Variants in PRR20G observed in about 807,000 individuals in gnomAD.
PRR20G encodes proline rich 20G.
intron 2 of PRR20G, among the ~76,000 whole-genome samples, chr3:127,286,790 G>A (rs143928209): frequency 1.4e-4 from 21 of 152,308 alleles, no homozygotes; most frequent in African/African-American, 5.1e-4. Context: ...CTGAGAGAAC[G>A]CTTGATTGAG....
Sources: allele counts gnomAD v4.1 joint callset (sites outside exome capture counted in the v4.1 genomes callset), GRCh38; gene constraint gnomAD v4.1.1; transcripts MANE v1.5; gene names NCBI Gene and HGNC (gene_info 2026-07-23, HGNC 2026-07-21).